OTC: variants seen among roughly 807,000 people sequenced by gnomAD.
The protein encoded by OTC is ornithine transcarbamylase.
OTC carries 3 observed loss-of-function variants against 30.3 expected under a neutral mutation model. The ratio of observed to expected loss-of-function variants is 0.10; its 90% CI spans 0.05 to 0.26. OTC has a LOEUF of 0.26. Ranked by LOEUF, OTC falls within the 10% of genes least tolerant of loss-of-function variation. The probability of loss-of-function intolerance (pLI) is 1.00; values close to 1 mark genes in which losing one functional copy is unlikely to be tolerated. For synonymous variants in OTC, 111 were observed against 99.7 expected, an observed-to-expected ratio of 1.11 and a Z score of -0.67; for missense variants, 194 against 260.3, an observed-to-expected ratio of 0.75 and a Z score of 1.75.
intron 4 of OTC, among the ~76,000 whole-genome samples, chrX:38,382,525 G>A (rs2068381649): frequency 8.9e-6 from 1 of 112,108 alleles, no homozygotes; most frequent in Admixed American, 9.5e-5. Flanking sequence ...AAACCTTTTA[G>A]TTATGTTATT....
chrX:38,402,938 C>T (rs751439544), intron 5 of OTC, among the ~76,000 whole-genome samples: 5 of 110,991 alleles, frequency 4.5e-5, no homozygotes, highest in South Asian at 3.9e-4. Context: ...CCTCAGCCTC[C>T]GGAGTAGCTG....
chrX:38,348,544 T>TTTC (rs1457227909), upstream of OTC, among the ~76,000 whole-genome samples: 2 of 102,231 alleles, frequency 2.0e-5, 1 homozygote, highest in Non-Finnish European at 4.0e-5. Context: ...TTTTTTTCTT[T>TTTC]TTTTTTTTTT....
chrX:38,400,666 C>T (rs966009461), intron 4 of OTC, among the ~76,000 whole-genome samples: 9 of 112,239 alleles, frequency 8.0e-5, no homozygotes, highest in African/African-American at 2.3e-4. Flanking sequence ...GTCCCTGTCA[C>T]GCAGGAATGG....
In OTC at chrX:38,367,409, A is replaced by C. The variant is rs369756595; in HGVS notation, c.196A>C (p.Arg66=). 5 of 1,203,378 alleles carry C rather than the reference A, an allele frequency of 4.2e-6. No individual in the cohort carries two copies. The African/African-American group carries it at 8.8e-5, about 21-fold the overall frequency. ...ATGGCTATCAGCAGATCTGAAATTT[A>C]GGATAAAACAGAAAGGAGAGGTATG... ...MLWLSADLKF[R]IKQKGEYLPL... is the part of the protein sequence containing the mutation. Residue 66 remains arginine, a synonymous_variant, in exon 2 of 10, where the codon AGG becomes CGG. Transcript: ENST00000039007.
At chrX:38,383,148 T>G (rs2068384067) in intron 4 of OTC, among the ~76,000 whole-genome samples, 2 of 111,092 alleles carry the variant, frequency 1.8e-5, no homozygotes, top group Admixed American at 1.9e-4. Context: ...TCCATATAAT[T>G]ATTATAGTTC....
intron 1 of OTC, among the ~76,000 whole-genome samples, chrX:38,365,246 T>C (rs745878277): frequency 5.2e-4 from 59 of 113,323 alleles, no homozygotes; most frequent in Non-Finnish European, 9.0e-4. Context: ...TGGCTGTTTA[T>C]AATTTCGAAT....
intron 3 of OTC, among the ~76,000 whole-genome samples, chrX:38,379,479 T>G (rs866332899): frequency 1.8e-5 from 2 of 112,106 alleles, no homozygotes; most frequent in Non-Finnish European, 3.8e-5. Context: ...GAGTCATTGC[T>G]AGGGTCAGAA....
chrX:38,345,691 C>T, the OTC span, among the ~76,000 whole-genome samples: 1 of 110,075 alleles, frequency 9.1e-6, no homozygotes, highest in Admixed American at 9.8e-5. Flanking sequence ...CAGGTATGTG[C>T]CACAACACCT....
chrX:38,365,697 G>C (rs765603002), intron 1 of OTC, among the ~76,000 whole-genome samples: 58 of 112,549 alleles, frequency 5.2e-4, no homozygotes, highest in Non-Finnish European at 9.2e-4. Flanking sequence ...GTAAACTGAT[G>C]TCAGGATGAT....
chrX:38,408,910 T>C lies in OTC; in HGVS notation c.752T>C (p.Leu251Ser). The change falls in exon 8 of 10, where the codon TTG (leucine) becomes TCG (serine). Residue 251 changes from leucine (L) to serine (S), a missense_variant. Physicochemically the swap from Leu to Ser is moderately radical, Grantham distance 145. Transcript: ENST00000039007. The stretch of plus-strand genomic sequence containing the variant: ...AAGCTGTTGCTGACAAATGATCCAT[T>C]GGAAGCAGCGCATGGAGGCAATGTA... ...GTKLLLTNDP[L>S]EAAHGGNVLI... 3 of 1,210,623 alleles carry C rather than the reference T, an allele frequency of 2.5e-6. No homozygotes were observed. The highest frequency in any genetic ancestry group is 3.4e-6 in the Non-Finnish European group (3 of 894,878).
chrX:38,359,914 C>CTTTTTTTTT (rs57184116), intron 1 of OTC, among the ~76,000 whole-genome samples: 2 of 94,517 alleles, frequency 2.1e-5, no homozygotes, highest in African/African-American at 4.0e-5. Context: ...TTCTTTCTTT[C>CTTTTTTTTT]TTTTTTTTTT....
chrX:38,370,741 C>CT (rs1282977977), intron 3 of OTC, among the ~76,000 whole-genome samples: 3 of 110,618 alleles, frequency 2.7e-5, no homozygotes, highest in Non-Finnish European at 3.8e-5. Flanking sequence ...CCCTGTTTTC[C>CT]TTTTTTTTCT....
At chrX:38,359,914 C>CTTTTTT (rs57184116) in intron 1 of OTC, among the ~76,000 whole-genome samples, 18 of 94,497 alleles carry the variant, frequency 1.9e-4, no homozygotes, top group African/African-American at 6.7e-4. Context: ...TTCTTTCTTT[C>CTTTTTT]TTTTTTTTTT....
At chrX:38,416,382 A>G (rs1223423693) in intron 9 of OTC, among the ~76,000 whole-genome samples, 1 of 111,481 alleles carries the variant, frequency 9.0e-6, no homozygotes, top group Non-Finnish European at 1.9e-5. Flanking sequence ...TTGCTTTTGT[A>G]TTTTTCAGTG....
intron 5 of OTC, among the ~76,000 whole-genome samples, chrX:38,402,308 A>G (rs776473782): frequency 8.9e-6 from 1 of 112,005 alleles, no homozygotes; most frequent in Non-Finnish European, 1.9e-5. Context: ...TCATTACTAG[A>G]TTATAAATTC....
Position 38,421,357 on chromosome X carries a change from A to G in OTC, c.*275A>G. 3.2e-6 allele frequency: 1 copy of G among 311,310 alleles called. No individual in the cohort carries two copies. The highest frequency in any genetic ancestry group is 5.8e-6 in the Non-Finnish European group (1 of 173,832). 25.7% of individuals were successfully genotyped at this position (311,310 alleles called of 1,213,427 possible). ...ATTAATTATCATATACATTTACTTCAACATAAAATACTGTGTTCATAATGT... is the reference window on the plus strand; with the variant it reads ...ATTAATTATCATATACATTTACTTCGACATAAAATACTGTGTTCATAATGT... On this transcript the variant is annotated 3_prime_UTR_variant, in exon 10 of 10. Transcript: ENST00000039007.
At chrX:38,340,472 T>G in the OTC span, among the ~76,000 whole-genome samples, 266 of 78,298 alleles carry the variant, frequency 3.4e-3, 4 homozygotes, top group African/African-American at 0.011. Context: ...TTTTTTTTTT[T>G]GTTTTTTTTT....
At chrX:38,391,942 C>T (rs748826914) in intron 4 of OTC, among the ~76,000 whole-genome samples, 5 of 111,907 alleles carry the variant, frequency 4.5e-5, no homozygotes, top group Non-Finnish European at 9.4e-5. Context: ...AATAGAGCCA[C>T]TGATACCACC....
chrX:38,414,627 C>T (rs1399759729), intron 9 of OTC, among the ~76,000 whole-genome samples: 1 of 111,608 alleles, frequency 9.0e-6, no homozygotes. Context: ...GTGTCCTCTC[C>T]CATGAAATAA....
Sources: allele counts gnomAD v4.1 joint callset (sites outside exome capture counted in the v4.1 genomes callset), GRCh38; gene constraint gnomAD v4.1.1; transcripts MANE v1.5; gene names NCBI Gene and HGNC (gene_info 2026-07-23, HGNC 2026-07-21).